The following ZNF804B variants were observed in gnomAD, a reference collection of about 807,000 sequenced individuals.
The protein encoded by ZNF804B is zinc finger 804B.
In ZNF804B, 80 loss-of-function variants were observed where a neutral mutation model predicts 101.4. The observed-to-expected ratio is 0.79, with a 90% CI of 0.66 to 0.95. The LOEUF (loss-of-function observed/expected upper bound fraction) is 0.95. Among genes scored for constraint, ZNF804B ranks in the 40% least tolerant of loss-of-function variants. The probability of loss-of-function intolerance (pLI) is 0.00; values close to 1 mark genes in which losing one functional copy is unlikely to be tolerated. For synonymous variants in ZNF804B, 622 were observed against 558.8 expected (o/e 1.11, Z -1.59); for missense variants, 1,673 against 1,561.9 (o/e 1.07, Z -1.20).
intron 1 of ZNF804B, among the ~76,000 whole-genome samples, chr7:88,945,077 G>A (rs1294744538): frequency 2.6e-5 from 4 of 151,928 alleles, no homozygotes; most frequent in African/African-American, 9.7e-5. Flanking sequence ...TTCCTTTGTG[G>A]AAGCTCTTTA....
At chr7:88,815,715 T>A (rs1790864385) in intron 1 of ZNF804B, among the ~76,000 whole-genome samples, 1 of 152,066 alleles carries the variant, frequency 6.6e-6, no homozygotes, top group Non-Finnish European at 1.5e-5. Flanking sequence ...CTGCTTAGGT[T>A]CCCACACACC....
chr7:88,954,129 A>G (rs1793266197), intron 1 of ZNF804B, among the ~76,000 whole-genome samples: 2 of 151,772 alleles, frequency 1.3e-5, no homozygotes, highest in African/African-American at 2.4e-5. Flanking sequence ...GGAAAAATAG[A>G]TATTTTCAGA....
At chr7:88,844,995 C>A (rs1004282974) in intron 1 of ZNF804B, among the ~76,000 whole-genome samples, 1 of 152,106 alleles carries the variant, frequency 6.6e-6, no homozygotes, top group African/African-American at 2.4e-5. Context: ...CATAGAAATC[C>A]TTTTCTGTAG....
chr7:89,289,162 G>A (rs1452871318), intron 2 of ZNF804B, among the ~76,000 whole-genome samples: 2 of 152,064 alleles, frequency 1.3e-5, no homozygotes, highest in Non-Finnish European at 2.9e-5. Context: ...GGTAAGAAAT[G>A]AAGAATGAAG....
intron 1 of ZNF804B, among the ~76,000 whole-genome samples, chr7:89,020,917 T>G (rs1242276374): frequency 6.6e-6 from 1 of 152,200 alleles, no homozygotes; most frequent in African/African-American, 2.4e-5. Context: ...TGAATTTCCT[T>G]AAGATTATTA....
chr7:88,774,118 G>A (rs957609717), intron 1 of ZNF804B, among the ~76,000 whole-genome samples: 1 of 151,694 alleles, frequency 6.6e-6, no homozygotes, highest in Non-Finnish European at 1.5e-5. Context: ...AAAGCACTTA[G>A]GTCAGAGTTT....
chr7:89,118,954 G>A lies in ZNF804B; in HGVS notation c.109-99201G>A, dbSNP rs140428855. 1.2e-3 allele frequency among the ~76,000 whole-genome samples: 187 copies of A among 152,226 alleles called. 1 individual carries two copies. Among genetic ancestry groups the A allele is most frequent in the African/African-American group, 4.3e-3 (178 of 41,558 alleles). On this transcript the variant is annotated intron_variant, in intron 1 of 3. Transcript: ENST00000333190. ...ACATTAAAGAAAGTTCAACTGTGGC[G>A]AATTCTATTGTGCATTTCCAGTCAC...
intron 1 of ZNF804B, among the ~76,000 whole-genome samples, chr7:88,901,658 G>GA (rs981312114): frequency 2.6e-5 from 4 of 151,132 alleles, no homozygotes; most frequent in African/African-American, 4.9e-5. Context: ...GAGAAAGAGA[G>GA]AAAAAAAAGA....
rs536772876 is a variant in ZNF804B, at chr7:88,888,466, A to T, written c.108+128382A>T. Among the ~76,000 whole-genome samples the T allele has an allele frequency of 2.6e-5, 4 of 152,258 alleles. No homozygotes were observed. In the South Asian group the frequency reaches 6.2e-4, roughly 24 times the overall value. Reference sequence around the variant, plus strand: ...ATCATCACCAATGATTTACGTATTTATGATACTTTTACAGTTGGTCTTCTA... The same window carrying T: ...ATCATCACCAATGATTTACGTATTTTTGATACTTTTACAGTTGGTCTTCTA... On this transcript the variant is annotated intron_variant, in intron 1 of 3. Coordinates refer to ENST00000333190, the MANE Select transcript of ZNF804B (RefSeq NM_181646.5).
At chr7:88,852,063 G>T (rs1049912310) in intron 1 of ZNF804B, among the ~76,000 whole-genome samples, 3 of 152,100 alleles carry the variant, frequency 2.0e-5, no homozygotes, top group Non-Finnish European at 2.9e-5. Flanking sequence ...TACCATGGAA[G>T]AAATGAAGCC....
At chr7:88,776,555 G>GTTTTTTTTTTTTTTTTTTTTTTTTTTTT (rs10630362) in intron 1 of ZNF804B, among the ~76,000 whole-genome samples, 1 of 106,456 alleles carries the variant, frequency 9.4e-6, no homozygotes, top group Non-Finnish European at 2.0e-5. Flanking sequence ...TTCTCGTGGT[G>GTTTTTTTTTTTTTTTTTTTTTTTTTTTT]TTTTGTTTTT....
At chr7:88,810,775 C>G (rs73393427) in intron 1 of ZNF804B, among the ~76,000 whole-genome samples, 1 of 151,964 alleles carries the variant, frequency 6.6e-6, no homozygotes, top group Non-Finnish European at 1.5e-5. Flanking sequence ...TGTTAAATAA[C>G]CTTCCAATCT....
chr7:89,337,005 C>T lies in ZNF804B; in HGVS notation c.4023C>T (p.Ala1341=). ...QMQQLNEVKE[A]LNVSTHLN ...AACAGCTAAATGAAGTGAAAGAGGC[C>T]TTAAATGTGTCCACACACTTGAACT... Residue 1341 remains alanine (A), a synonymous_variant, in exon 4 of 4, where the codon GCC becomes GCT. Transcript: ENST00000333190. 1 of 1,613,896 alleles carries T rather than the reference C, an allele frequency of 6.2e-7. No homozygotes were observed. Among genetic ancestry groups the T allele is most frequent in the Non-Finnish European group, 8.5e-7 (1 of 1,179,918 alleles).
At chr7:88,896,873 G>A (rs1000953983) in intron 1 of ZNF804B, among the ~76,000 whole-genome samples, 3 of 152,140 alleles carry the variant, frequency 2.0e-5, no homozygotes, top group Admixed American at 1.3e-4. Context: ...TATGCTTTGA[G>A]AATTATGCAT....
intron 1 of ZNF804B, among the ~76,000 whole-genome samples, chr7:89,012,138 A>T (rs1397687242): frequency 6.6e-6 from 1 of 152,162 alleles, no homozygotes; most frequent in East Asian, 1.9e-4. Context: ...TCTCTGAGGC[A>T]ATGGCCTGAG....
chr7:89,336,164 C>A lies in ZNF804B; in HGVS notation c.3182C>A (p.Pro1061His). The A allele has an allele frequency of 1.2e-6, 2 of 1,613,794 alleles. No individual in the cohort carries two copies. The highest frequency in any genetic ancestry group is 1.7e-6 in the Non-Finnish European group (2 of 1,179,978). Residue 1061 changes from proline (P) to histidine (H), a missense_variant, in exon 4 of 4, where the codon CCT becomes CAT. Pro to His is a moderately conservative substitution (Grantham distance 77). Coordinates refer to ENST00000333190, the MANE Select transcript of ZNF804B (RefSeq NM_181646.5). Reference sequence around the variant, plus strand: ...AAACCTTTAATTAGTGAAATCCAACCTTTTATTCAAAGCTGTGACCCAGTA... The same window carrying A: ...AAACCTTTAATTAGTGAAATCCAACATTTTATTCAAAGCTGTGACCCAGTA... ...QSKPLISEIQ[P>H]FIQSCDPVPN...
chr7:89,217,881 G>A (rs1385289061), intron 1 of ZNF804B, among the ~76,000 whole-genome samples: 1 of 152,116 alleles, frequency 6.6e-6, no homozygotes, highest in East Asian at 1.9e-4. Flanking sequence ...GATGTGCTTG[G>A]TAATAGGCAC....
At chr7:88,885,892 GAAAAT>G (rs1457775941) in intron 1 of ZNF804B, among the ~76,000 whole-genome samples, 1 of 151,954 alleles carries the variant, frequency 6.6e-6, no homozygotes, top group African/African-American at 2.4e-5. Context: ...AGATCATTAA[GAAAAT>G]AAAATGTTCT....
intron 1 of ZNF804B, among the ~76,000 whole-genome samples, chr7:89,014,615 G>A (rs773549035): frequency 6.6e-6 from 1 of 152,040 alleles, no homozygotes; most frequent in Non-Finnish European, 1.5e-5. Context: ...CGCGCCCAGC[G>A]ATTGAACTTT....
Sources: allele counts gnomAD v4.1 joint callset (sites outside exome capture counted in the v4.1 genomes callset), GRCh38; gene constraint gnomAD v4.1.1; transcripts MANE v1.5; gene names NCBI Gene and HGNC (gene_info 2026-07-23, HGNC 2026-07-21).